Variants in ATP13A4 observed in about 807,000 individuals in gnomAD.
ATP13A4 encodes the protein ATPase 13A4.
In ATP13A4, 114 loss-of-function variants were observed where a neutral mutation model predicts 142.5. The ratio of observed to expected loss-of-function variants is 0.80; its 90% CI spans 0.69 to 0.93. ATP13A4 has a LOEUF of 0.93. ATP13A4 is among the 40% of genes least tolerant of loss of function. The pLI is 0.00. For missense variants in ATP13A4, 1,392 were observed against 1,454.0 expected, an observed-to-expected ratio of 0.96 and a Z score of 0.69; for synonymous variants, 488 against 514.8, an observed-to-expected ratio of 0.95 and a Z score of 0.70.
intron 25 of ATP13A4, among the ~76,000 whole-genome samples, chr3:193,429,582 G>C (rs1371730343): frequency 1.3e-5 from 1 of 74,696 alleles, no homozygotes; most frequent in Non-Finnish European, 3.6e-5. Context: ...GAAATTCATA[G>C]AGACAAAAAA....
At chr3:193,443,925 G>A (rs901439745) in intron 18 of ATP13A4, among the ~76,000 whole-genome samples, 9 of 151,908 alleles carry the variant, frequency 5.9e-5, no homozygotes, top group East Asian at 3.9e-4. Context: ...AGAAAAAATC[G>A]TTTTAGTGAA....
At chr3:193,404,211 T>C (rs1714382226) in intron 29 of ATP13A4, 1 of 952,584 alleles carries the variant, frequency 1.0e-6, no homozygotes, top group Non-Finnish European at 1.2e-6. Context: ...AAAATCTTAC[T>C]TACTTCAAGG....
chr3:193,582,687 T>C, intron 1 of ATP13A4, among the ~76,000 whole-genome samples: 1 of 68,668 alleles, frequency 1.5e-5, no homozygotes, highest in East Asian at 3.1e-4. Flanking sequence ...ATATATTATA[T>C]ATGTGTATAA....
intron 2 of ATP13A4, among the ~76,000 whole-genome samples, chr3:193,568,767 G>A (rs1266665961): frequency 1.3e-5 from 2 of 152,154 alleles, no homozygotes; most frequent in East Asian, 1.9e-4. Context: ...AAAAATTAAT[G>A]AGGATGGGTC....
chr3:193,550,329 C>T (rs1045161327), intron 1 of ATP13A4, among the ~76,000 whole-genome samples: 5 of 130,524 alleles, frequency 3.8e-5, no homozygotes, highest in South Asian at 2.4e-4. Context: ...TTTTTTGAGA[C>T]GGAGTCTCAC....
rs71179308 is a variant in ATP13A4 at position 193,541,248 on chromosome 3, C to CAAAAAAAA, written c.60+13484_60+13491dup. 2.9e-3 allele frequency among the ~76,000 whole-genome samples: 148 copies of CAAAAAAAA among 51,278 alleles called. 7 individuals carry two copies. Among genetic ancestry groups the CAAAAAAAA allele is most frequent in the Middle Eastern group, 0.011 (1 of 88 alleles). 33.6% of individuals were successfully genotyped at this position (51,278 alleles called of 152,430 possible). ...TGGGCGACAGAGCGAGACTCCTTCTCAAAAAAAAAAAAAAAAAAAAAATCA... is the reference window on the plus strand; with the variant it reads ...TGGGCGACAGAGCGAGACTCCTTCTCAAAAAAAAAAAAAAAAAAAAAAAAAAAAAATCA... On this transcript the variant is annotated intron_variant, in intron 1 of 29. Coordinates refer to ENST00000342695, the MANE Select transcript of ATP13A4 (RefSeq NM_032279.4).
At chr3:193,570,643 A>G (rs1027317334) in intron 2 of ATP13A4, among the ~76,000 whole-genome samples, 2 of 152,148 alleles carry the variant, frequency 1.3e-5, no homozygotes, top group African/African-American at 4.8e-5. Context: ...TCCTCATACA[A>G]TTAAACTCAG....
chr3:193,480,065 T>A (rs1719200478), intron 8 of ATP13A4, among the ~76,000 whole-genome samples: 1 of 152,094 alleles, frequency 6.6e-6, no homozygotes, highest in Admixed American at 6.5e-5. Flanking sequence ...AAGCCACATG[T>A]AGAGAATGAA....
chr3:193,493,038 A>AT lies in ATP13A4; in HGVS notation c.453-42dup, dbSNP rs771476281. On this transcript the variant is annotated intron_variant, in intron 4 of 29. Transcript: ENST00000342695. ...TGAAAAGAACATATTTAGCAATAAT[A>AT]TTTTTGAGATAACATTTTTCTTCTT... The AT allele has an allele frequency of 2.1e-5, 34 of 1,603,400 alleles. 1 individual carries two copies. The East Asian group carries it at 7.6e-4, about 36-fold the overall frequency.
At chr3:193,508,589 A>G (rs543405635) in intron 2 of ATP13A4, among the ~76,000 whole-genome samples, 30 of 152,238 alleles carry the variant, frequency 2.0e-4, no homozygotes, top group Non-Finnish European at 4.0e-4. Context: ...ATTATAAAGG[A>G]TAATAGTCTC....
At chr3:193,571,278 C>CAAAAAAAAAAAAAAAAAA (rs57432082) in intron 2 of ATP13A4, among the ~76,000 whole-genome samples, 12 of 95,634 alleles carry the variant, frequency 1.3e-4, no homozygotes, top group African/African-American at 4.0e-4. Flanking sequence ...GACCTTGTCT[C>CAAAAAAAAAAAAAAAAAA]AAAAAAAAAA....
At chr3:193,514,967 G>T in intron 1 of ATP13A4, 96 bp from the exon 2 acceptor site, 2 of 1,385,130 alleles carry the variant, frequency 1.4e-6, no homozygotes, top group Non-Finnish European at 2.0e-6. Flanking sequence ...GGGGCAGAGT[G>T]AAGGAGTTGA....
At chr3:193,417,888 C>A (rs6783905) in intron 25 of ATP13A4, among the ~76,000 whole-genome samples, 2 of 143,146 alleles carry the variant, frequency 1.4e-5, no homozygotes, top group Admixed American at 7.4e-5. Flanking sequence ...TTTGGGAGGC[C>A]AAGGCGGGCG....
rs769934060 is a variant in ATP13A4, at chr3:193,471,011, C to G, written c.809-18G>C. 3 of 1,614,072 alleles carry G rather than the reference C, an allele frequency of 1.9e-6. No homozygotes were observed. In the East Asian group the frequency reaches 6.7e-5, roughly 36 times the overall value. ...AACTCCAGCTGAAAGTGGGAGGAGA[C>G]AGAGTTGAGTCAGGTTATTTTCCCA... On this transcript the variant is annotated intron_variant, in intron 8 of 29. Transcript: ENST00000342695.
chr3:193,577,108 T>C (rs1724413202), intron 2 of ATP13A4, among the ~76,000 whole-genome samples: 1 of 152,254 alleles, frequency 6.6e-6, no homozygotes, highest in Admixed American at 6.5e-5. Context: ...AGAGGCCTCC[T>C]GGTTTTAGTC....
intron 7 of ATP13A4, among the ~76,000 whole-genome samples, chr3:193,486,520 A>C (rs1719631002): frequency 6.6e-6 from 1 of 152,238 alleles, no homozygotes; most frequent in Admixed American, 6.5e-5. Context: ...CAAGGTTGGC[A>C]ACCAGATTTC....
chr3:193,438,256 C>A (rs181030858), intron 23 of ATP13A4, among the ~76,000 whole-genome samples: 1 of 152,242 alleles, frequency 6.6e-6, no homozygotes, highest in Non-Finnish European at 1.5e-5. Context: ...CTAAAAATAA[C>A]CTAATCAGTG....
At chr3:193,455,327 C>G (rs1453282748) in intron 16 of ATP13A4, among the ~76,000 whole-genome samples, 23 of 122,206 alleles carry the variant, frequency 1.9e-4, no homozygotes, top group African/African-American at 6.7e-4. Flanking sequence ...GGCAACAGAG[C>G]GAGACTCCGT....
At position 193,577,638 on chromosome 3, in the gene ATP13A4, T is replaced by C. The variant is rs370764665; in HGVS notation, n.291+4069A>G. On this transcript the variant is annotated intron_variant and non_coding_transcript_variant, in intron 2 of 3. Coordinates refer to the ATP13A4 transcript ENST00000489140. ...CTGAAAACTTTTTATTAGGAAACCA[T>C]ACTGTCTACACTGTGCTATAGTGGA... Among the ~76,000 whole-genome samples, 8 of 152,222 alleles carry C rather than the reference T, an allele frequency of 5.3e-5. No homozygotes were observed. In the East Asian group the frequency reaches 1.2e-3, roughly 22 times the overall value.
Sources: gnomAD v4.1 joint callset for allele counts (sites outside exome capture counted in the v4.1 genomes callset) on GRCh38, gnomAD v4.1.1 for gene constraint, MANE v1.5 for transcripts, NCBI Gene and HGNC (gene_info 2026-07-23, HGNC 2026-07-21) for gene names.